TNIP1: variants seen among roughly 807,000 people sequenced by gnomAD.
TNIP1 encodes TNFAIP3 interacting protein 1.
A neutral mutation model predicts 86.6 loss-of-function variants in TNIP1; 22 were observed. That is an observed-to-expected ratio of 0.25 (90% CI 0.18 to 0.36). The LOEUF (loss-of-function observed/expected upper bound fraction) is 0.36, where lower values mean the gene tolerates loss of function less well. TNIP1 is among the 10% of genes least tolerant of loss of function. The pLI is 1.00. For synonymous variants in TNIP1, 294 were observed against 313.0 expected (o/e 0.94, Z 0.64); for missense variants, 709 against 820.6 (o/e 0.86, Z 1.66).
chr5:151,043,386 C>T lies in TNIP1; in HGVS notation c.937-425G>A, dbSNP rs149681415. 4.9e-4 allele frequency among the ~76,000 whole-genome samples: 75 copies of T among 152,246 alleles called. No homozygotes were observed. In the East Asian group the frequency reaches 0.014, roughly 28 times the overall value. On this transcript the variant is annotated intron_variant, in intron 9 of 17. Transcript: ENST00000521591. ...ACAAGGCTAATCATCTCAGCAATAC[C>T]TGTATTACAAAAAAATCCAGAGGCC...
At chr5:151,077,961 C>T (rs969598531) in intron 1 of TNIP1, among the ~76,000 whole-genome samples, 3 of 152,208 alleles carry the variant, frequency 2.0e-5, no homozygotes, top group African/African-American at 7.2e-5. Context: ...GACCCAGGTT[C>T]CACTCTGCAC....
At position 151,030,317 on chromosome 5, in the gene TNIP1, A is replaced by G; in HGVS notation, c.*396T>C. ...TGAAGCAAAAATTAAACACACACAC[A>G]AATTGGTCATGGCAACTAGAGGGCC... is the stretch of plus-strand genomic sequence containing the variant. On this transcript the variant is annotated 3_prime_UTR_variant, in exon 18 of 18. Coordinates refer to ENST00000521591, the MANE Select transcript of TNIP1 (RefSeq NM_006058.5). 1 of 394,864 alleles carries G rather than the reference A, an allele frequency of 2.5e-6. No individual in the cohort carries two copies. The highest frequency in any genetic ancestry group is 3.4e-5 in the Admixed American group (1 of 29,830). 24.5% of individuals were successfully genotyped at this position (394,864 alleles called of 1,614,324 possible). A position where few individuals can be genotyped will look rare whatever the true frequency, so the allele number is the denominator to read the frequency against.
At chr5:151,078,704 G>A (rs1297584626) in intron 1 of TNIP1, among the ~76,000 whole-genome samples, 1 of 152,178 alleles carries the variant, frequency 6.6e-6, no homozygotes, top group Non-Finnish European at 1.5e-5. Context: ...TGGGAAAAAC[G>A]GGGAAAGATG....
chr5:151,058,084 C>A (rs1033651186), intron 5 of TNIP1, among the ~76,000 whole-genome samples: 9 of 152,168 alleles, frequency 5.9e-5, no homozygotes, highest in African/African-American at 2.2e-4. Context: ...CTACACCAAG[C>A]TAATTTTTGT....
intron 6 of TNIP1, among the ~76,000 whole-genome samples, chr5:151,055,348 C>A (rs1317049351): frequency 6.6e-6 from 1 of 152,078 alleles, no homozygotes; most frequent in African/African-American, 2.4e-5. Context: ...TGGCAGGACC[C>A]CTTTTAAGGG....
chr5:151,076,707 G>A (rs943282288), intron 1 of TNIP1, among the ~76,000 whole-genome samples: 13 of 152,114 alleles, frequency 8.5e-5, no homozygotes, highest in Admixed American at 5.2e-4. Context: ...AATGATGGAG[G>A]TGAGAAAGGA....
At position 151,056,715 on chromosome 5, in the gene TNIP1, C is replaced by T. The variant is rs753330055; in HGVS notation, c.627+51G>A. 8 of 1,427,786 alleles carry T rather than the reference C, an allele frequency of 5.6e-6. No homozygotes were observed. In the African/African-American group the frequency reaches 8.8e-5, roughly 16 times the overall value. 88.4% of individuals were successfully genotyped at this position (1,427,786 alleles called of 1,614,324 possible). A position where few individuals can be genotyped will look rare whatever the true frequency, so the allele number is the denominator to read the frequency against. ...CAGGAGCAGGAAGGTGGGAAGAGCT[C>T]GGGGGGAAGCACGCCTGCCTGTCTC... is the stretch of plus-strand genomic sequence containing the variant. On this transcript the variant is annotated intron_variant, in intron 6 of 17. Coordinates refer to ENST00000521591, the MANE Select transcript of TNIP1 (RefSeq NM_006058.5).
At chr5:151,072,385 G>A (rs1020633080) in intron 1 of TNIP1, among the ~76,000 whole-genome samples, 2 of 152,190 alleles carry the variant, frequency 1.3e-5, no homozygotes, top group African/African-American at 4.8e-5. Flanking sequence ...GAGCTCAGAG[G>A]ACATTCCATC....
intron 3 of TNIP1, 42 bp downstream of exon 3, chr5:151,063,571 G>A (rs770237692): frequency 6.2e-7 from 1 of 1,601,182 alleles, no homozygotes; most frequent in African/African-American, 1.3e-5. Flanking sequence ...TGGGCAGTTT[G>A]GGGTACAGGG....
chr5:151,086,757 T>C (rs1764295659), intron 1 of TNIP1, among the ~76,000 whole-genome samples: 1 of 152,224 alleles, frequency 6.6e-6, no homozygotes, highest in Admixed American at 6.5e-5. Context: ...AAAAATAGGC[T>C]TTGCTTTTCC....
chr5:151,076,702 T>A (rs1204058796), intron 1 of TNIP1, among the ~76,000 whole-genome samples: 2 of 151,834 alleles, frequency 1.3e-5, no homozygotes, highest in Admixed American at 1.3e-4. Flanking sequence ...GGGAAAATGA[T>A]GGAGGTGAGA....
In TNIP1 at chr5:151,063,925, G is replaced by A. The variant is rs191498180; in HGVS notation, c.137-178C>T. On this transcript the variant is annotated intron_variant, in intron 2 of 17. Coordinates refer to ENST00000521591, the MANE Select transcript of TNIP1 (RefSeq NM_006058.5). ...CAAACTCCATGCTGGTCCACCATAA[G>A]AAACAGGCTAGAGCAAGGACGAGGG... Among the ~76,000 whole-genome samples, 216 of 152,304 alleles carry A rather than the reference G, an allele frequency of 1.4e-3. 1 individual carries two copies. Among genetic ancestry groups the A allele is most frequent in the African/African-American group, 5.1e-3 (212 of 41,552 alleles).
intron 1 of TNIP1, among the ~76,000 whole-genome samples, chr5:151,072,190 A>G (rs745822598): frequency 2.6e-5 from 4 of 152,116 alleles, no homozygotes; most frequent in Non-Finnish European, 5.9e-5. Flanking sequence ...ACTGCTCTAC[A>G]CTGCCTGGAG....
intron 12 of TNIP1, chr5:151,037,411 T>G (rs1757847797): frequency 6.6e-6 from 1 of 152,516 alleles, no homozygotes; most frequent in Non-Finnish European, 1.5e-5. Context: ...TGCCCTGAGA[T>G]TCTTCACTTT....
chr5:151,036,455 T>C (rs1757713771), intron 13 of TNIP1, among the ~76,000 whole-genome samples: 1 of 152,232 alleles, frequency 6.6e-6, no homozygotes, highest in South Asian at 2.1e-4. Flanking sequence ...ACTTTCTACT[T>C]GTGACAAATA....
intron 3 of TNIP1, among the ~76,000 whole-genome samples, chr5:151,063,043 C>T (rs1370842921): frequency 6.6e-6 from 1 of 152,172 alleles, no homozygotes; most frequent in African/African-American, 2.4e-5. Flanking sequence ...CATGGTGATG[C>T]CTCTACCATA....
chr5:151,039,245 G>C lies in TNIP1; in HGVS notation c.1135-20C>G. 1.2e-6 allele frequency: 2 copies of C among 1,606,936 alleles called. No homozygotes were observed. Among genetic ancestry groups the C allele is most frequent in the Non-Finnish European group, 1.7e-6 (2 of 1,178,326 alleles). On this transcript the variant is annotated intron_variant, in intron 11 of 17. Coordinates refer to ENST00000521591, the MANE Select transcript of TNIP1 (RefSeq NM_006058.5). ...GTCGGTCTGCAGGGAATACAAGGTT[G>C]GTAAGCTGGCTAGGATGGCCTCTCC...
upstream of TNIP1, among the ~76,000 whole-genome samples, chr5:151,085,458 A>G (rs953874993): frequency 2.0e-5 from 3 of 152,214 alleles, no homozygotes; most frequent in Admixed American, 6.5e-5. Context: ...TGGGCCTGGA[A>G]GGCATTGCTG....
intron 5 of TNIP1, 61 bp downstream of exon 5, chr5:151,060,257 G>A (rs1761376941): frequency 6.5e-7 from 1 of 1,545,024 alleles, no homozygotes; most frequent in Non-Finnish European, 8.9e-7. Flanking sequence ...TCACATGGTA[G>A]CAAGTGACAG....
Sources: gnomAD v4.1 joint callset for allele counts (sites outside exome capture counted in the v4.1 genomes callset) on GRCh38, gnomAD v4.1.1 for gene constraint, MANE v1.5 for transcripts, NCBI Gene and HGNC (gene_info 2026-07-23, HGNC 2026-07-21) for gene names.